Variants in PDE1C observed in about 807,000 individuals in gnomAD.
PDE1C encodes the protein phosphodiesterase 1C.
In PDE1C, 62 loss-of-function variants were observed where a neutral mutation model predicts 93.1. The ratio of observed to expected loss-of-function variants is 0.67; its 90% CI spans 0.54 to 0.82. PDE1C has a LOEUF of 0.82. PDE1C is among the 40% of genes least tolerant of loss of function. The probability of loss-of-function intolerance (pLI) is 0.00; values close to 1 mark genes in which losing one functional copy is unlikely to be tolerated. For missense variants in PDE1C, 742 were observed against 884.6 expected (o/e 0.84, Z 2.04); for synonymous variants, 325 against 310.1 (o/e 1.05, Z -0.50).
chr7:31,766,661 T>G lies in PDE1C; in HGVS notation c.1960+9003A>C, dbSNP rs541705011. ...TATGTATGAAATTATTGCATTTGTA[T>G]CCACAAAATATCTAATATTTCTGCA... On this transcript the variant is annotated intron_variant, in intron 17 of 17. Coordinates refer to ENST00000396191, the MANE Select transcript of PDE1C (RefSeq NM_001191057.4). Among the ~76,000 whole-genome samples the G allele has an allele frequency of 4.6e-5, 7 of 152,330 alleles. No individual in the cohort carries two copies. The South Asian group carries it at 1.4e-3, about 32-fold the overall frequency.
chr7:32,210,745 T>A (rs181809018), intron 1 of PDE1C, among the ~76,000 whole-genome samples: 2 of 152,346 alleles, frequency 1.3e-5, no homozygotes. Flanking sequence ...GGGCAATTTT[T>A]AAAAATTAAT....
chr7:31,787,160 G>A (rs570700633), intron 16 of PDE1C: 1 of 152,238 alleles, frequency 6.6e-6, no homozygotes, highest in African/African-American at 2.4e-5. Context: ...GGTTCCAAGT[G>A]GAAAATATAA....
chr7:31,988,787 G>A (rs1200159599), intron 2 of PDE1C, among the ~76,000 whole-genome samples: 1 of 152,062 alleles, frequency 6.6e-6, no homozygotes, highest in African/African-American at 2.4e-5. Context: ...ATGAGGTCAG[G>A]AGATTGAGAC....
intron 1 of PDE1C, among the ~76,000 whole-genome samples, chr7:32,336,060 A>AT (rs1486697193): frequency 6.6e-6 from 1 of 152,204 alleles, no homozygotes; most frequent in African/African-American, 2.4e-5. Flanking sequence ...GGACTTCAGC[A>AT]TATTAATTCA....
chr7:32,179,239 G>T (rs934824160), intron 2 of PDE1C, among the ~76,000 whole-genome samples: 5 of 149,670 alleles, frequency 3.3e-5, no homozygotes, highest in African/African-American at 1.2e-4. Flanking sequence ...TTGCCTTATC[G>T]CAACTAGGAA....
chr7:32,061,317 TAGAA>T (rs1211229921), intron 1 of PDE1C, among the ~76,000 whole-genome samples: 1 of 152,140 alleles, frequency 6.6e-6, no homozygotes, highest in African/African-American at 2.4e-5. Context: ...TGGGTAGAAA[TAGAA>T]GGAAGGCCTT....
At chr7:31,838,662 CCT>C (rs1791423256) in intron 9 of PDE1C, among the ~76,000 whole-genome samples, 1 of 152,102 alleles carries the variant, frequency 6.6e-6, no homozygotes, top group Admixed American at 6.6e-5. Context: ...CCTAAAATCC[CCT>C]GTGCTCCTTC....
At chr7:32,406,575 A>G (rs1019018430) in intron 1 of PDE1C, among the ~76,000 whole-genome samples, 5 of 151,614 alleles carry the variant, frequency 3.3e-5, no homozygotes, top group African/African-American at 1.2e-4. Flanking sequence ...ATCCAATTGT[A>G]TAAAATGCTG....
intron 2 of PDE1C, among the ~76,000 whole-genome samples, chr7:32,207,922 G>T (rs1402883051): frequency 5.3e-5 from 8 of 152,224 alleles, no homozygotes; most frequent in African/African-American, 1.7e-4. Context: ...CCCTCACAGC[G>T]TGGTTGGGTC....
chr7:31,623,512 T>C, the PDE1C span, among the ~76,000 whole-genome samples: 1 of 151,816 alleles, frequency 6.6e-6, no homozygotes, highest in Admixed American at 6.6e-5. Context: ...ATGACACGAT[T>C]ATCTCAATAG....
intron 3 of PDE1C, among the ~76,000 whole-genome samples, chr7:32,142,416 A>C (rs983696797): frequency 6.6e-6 from 1 of 152,128 alleles, no homozygotes; most frequent in African/African-American, 2.4e-5. Flanking sequence ...CTTTGCTCAG[A>C]ATGGCCAGAG....
At chr7:32,246,811 T>C (rs760540947) in intron 1 of PDE1C, among the ~76,000 whole-genome samples, 1 of 152,188 alleles carries the variant, frequency 6.6e-6, no homozygotes, top group African/African-American at 2.4e-5. Flanking sequence ...GAGAACAAAA[T>C]AACTCATGTT....
chr7:32,323,650 G>A (rs966386896), intron 1 of PDE1C, among the ~76,000 whole-genome samples: 17 of 152,284 alleles, frequency 1.1e-4, no homozygotes, highest in African/African-American at 3.8e-4. Context: ...GAGCCAGGAG[G>A]AAAAGAGTGG....
chr7:31,754,757 G>A (rs925471071), intron 17 of PDE1C, among the ~76,000 whole-genome samples: 2 of 152,190 alleles, frequency 1.3e-5, no homozygotes, highest in Non-Finnish European at 2.9e-5. Flanking sequence ...TGGTTAAATA[G>A]GTGAAGCACA....
At chr7:31,936,430 G>GA (rs1472534860) in intron 2 of PDE1C, among the ~76,000 whole-genome samples, 2 of 136,532 alleles carry the variant, frequency 1.5e-5, no homozygotes, top group African/African-American at 5.8e-5. Context: ...CTTCCAGGGA[G>GA]AAGAAAAAAA....
the PDE1C span, among the ~76,000 whole-genome samples, chr7:31,722,230 T>C: frequency 6.6e-6 from 1 of 152,196 alleles, no homozygotes; most frequent in Non-Finnish European, 1.5e-5. Flanking sequence ...CCATCTTTAG[T>C]TGCTATTGCA....
intron 2 of PDE1C, among the ~76,000 whole-genome samples, chr7:31,929,682 A>T (rs1803919775): frequency 6.6e-6 from 1 of 152,212 alleles, no homozygotes; most frequent in Non-Finnish European, 1.5e-5. Context: ...CTCCTGAATA[A>T]CTACTGAGTA....
the PDE1C span, among the ~76,000 whole-genome samples, chr7:31,659,452 C>T: frequency 3.3e-5 from 5 of 152,142 alleles, no homozygotes; most frequent in African/African-American, 1.2e-4. Context: ...TCCACACAGC[C>T]CCAAACTCCA....
At chr7:31,932,766 A>T (rs1257612877) in intron 2 of PDE1C, among the ~76,000 whole-genome samples, 1 of 151,514 alleles carries the variant, frequency 6.6e-6, no homozygotes, top group Non-Finnish European at 1.5e-5. Flanking sequence ...ACATGCGCAC[A>T]TATGTTTACT....
Sources: allele counts gnomAD v4.1 joint callset (sites outside exome capture counted in the v4.1 genomes callset), GRCh38; gene constraint gnomAD v4.1.1; transcripts MANE v1.5; gene names NCBI Gene and HGNC (gene_info 2026-07-23, HGNC 2026-07-21).